The following USP46 variants were observed in gnomAD, a reference collection of about 807,000 sequenced individuals.
USP46 encodes ubiquitin specific peptidase 46.
Under a neutral mutation model 44.4 loss-of-function variants are expected in USP46, and 12 were observed. The observed-to-expected ratio is 0.27, with a 90% CI of 0.17 to 0.44. USP46 has a LOEUF of 0.44. Among genes scored for constraint, USP46 ranks in the 20% least tolerant of loss-of-function variants. The probability of loss-of-function intolerance (pLI) is 1.00; values close to 1 mark genes in which losing one functional copy is unlikely to be tolerated. For synonymous variants in USP46, 155 were observed against 161.5 expected (o/e 0.96, Z 0.31); for missense variants, 248 against 444.8 (o/e 0.56, Z 3.98).
chr4:52,635,884 A>C (rs1718094608), intron 1 of USP46, among the ~76,000 whole-genome samples: 1 of 152,120 alleles, frequency 6.6e-6, no homozygotes, highest in African/African-American at 2.4e-5. Flanking sequence ...GGTGGGGAGA[A>C]GTGGGGGTGG....
chr4:52,615,341 G>T (rs192314215), intron 4 of USP46, among the ~76,000 whole-genome samples: 38 of 152,180 alleles, frequency 2.5e-4, no homozygotes, highest in African/African-American at 8.7e-4. Flanking sequence ...TTGGAAAAAC[G>T]ACATACTATG....
At chr4:52,603,365 T>G (rs551900087) in intron 6 of USP46, among the ~76,000 whole-genome samples, 1 of 152,182 alleles carries the variant, frequency 6.6e-6, no homozygotes, top group African/African-American at 2.4e-5. Flanking sequence ...TCTGTAAGTT[T>G]TGCAGCAAAG....
chr4:52,638,178 T>G (rs1282451391), intron 1 of USP46, among the ~76,000 whole-genome samples: 1 of 152,136 alleles, frequency 6.6e-6, no homozygotes, highest in Non-Finnish European at 1.5e-5. Context: ...AGACACAGTA[T>G]AATTACAAGT....
At chr4:52,613,133 CT>C (rs1471600460) in intron 4 of USP46, among the ~76,000 whole-genome samples, 2 of 152,184 alleles carry the variant, frequency 1.3e-5, no homozygotes, top group Non-Finnish European at 2.9e-5. Flanking sequence ...GTTTCATGGC[CT>C]TTAGCTTGGG....
intron 6 of USP46, among the ~76,000 whole-genome samples, chr4:52,603,182 T>C (rs1716545013): frequency 1.3e-5 from 2 of 152,178 alleles, no homozygotes; most frequent in African/African-American, 4.8e-5. Context: ...CATTGCAATA[T>C]ATAAACCCCC....
intron 1 of USP46, among the ~76,000 whole-genome samples, chr4:52,649,432 C>T (rs1193124825): frequency 2.0e-5 from 3 of 152,194 alleles, no homozygotes; most frequent in Admixed American, 2.0e-4. Context: ...AAACAGGATT[C>T]TGAATTCCAA....
chr4:52,632,965 AAAGAAAGAAAGAAAGAAAGAAAAGAAAAG>A (rs1560405953), intron 1 of USP46, among the ~76,000 whole-genome samples: 9 of 81,924 alleles, frequency 1.1e-4, no homozygotes, highest in African/African-American at 5.3e-4. Context: ...AGAAAGAAAG[AAAGAAAGAAAGAAAGAAAGAAAAGAAAAG>A]AAAGAAAGAA....
chr4:52,636,526 T>G (rs1488033609), intron 1 of USP46, among the ~76,000 whole-genome samples: 1 of 151,652 alleles, frequency 6.6e-6, no homozygotes, highest in Admixed American at 6.6e-5. Flanking sequence ...GCCAATATGG[T>G]GAAACCCCAT....
At chr4:52,640,700 G>A (rs984049164) in intron 1 of USP46, among the ~76,000 whole-genome samples, 3 of 151,466 alleles carry the variant, frequency 2.0e-5, no homozygotes, top group Non-Finnish European at 4.4e-5. Flanking sequence ...CAGCTACTCA[G>A]GAGACTGAGG....
chr4:52,609,895 T>TTTC (rs1328338837), intron 5 of USP46, among the ~76,000 whole-genome samples: 8 of 89,570 alleles, frequency 8.9e-5, no homozygotes, highest in East Asian at 6.5e-4. Context: ...CTCAATTCTA[T>TTTC]TTCTTTTTTT....
At chr4:52,624,817 A>G (rs897898773) in intron 4 of USP46, among the ~76,000 whole-genome samples, 2 of 152,160 alleles carry the variant, frequency 1.3e-5, no homozygotes, top group Admixed American at 6.6e-5. Context: ...TGCTTTCTCT[A>G]TCTCCACCAA....
At chr4:52,645,246 A>C (rs2109660145) in intron 1 of USP46, among the ~76,000 whole-genome samples, 1 of 151,898 alleles carries the variant, frequency 6.6e-6, no homozygotes, top group South Asian at 2.1e-4. Flanking sequence ...AAAAAAAAGA[A>C]AACCTCAACA....
intron 4 of USP46, among the ~76,000 whole-genome samples, chr4:52,618,893 C>G (rs1717271189): frequency 6.6e-6 from 1 of 152,152 alleles, no homozygotes; most frequent in Admixed American, 6.5e-5. Flanking sequence ...AAAATTGGTA[C>G]TTAATAAAGC....
At chr4:52,633,205 A>T (rs1717983411) in intron 1 of USP46, among the ~76,000 whole-genome samples, 1 of 152,184 alleles carries the variant, frequency 6.6e-6, no homozygotes, top group African/African-American at 2.4e-5. Context: ...CGGACCACAG[A>T]ACTACAGTAG....
intron 1 of USP46, among the ~76,000 whole-genome samples, chr4:52,648,311 G>A (rs1435343776): frequency 6.6e-6 from 1 of 152,188 alleles, no homozygotes; most frequent in Admixed American, 6.5e-5. Flanking sequence ...CAAACTATGG[G>A]CCATGAATCC....
intron 1 of USP46, among the ~76,000 whole-genome samples, chr4:52,657,040 C>CAAAA (rs959028429): frequency 6.8e-5 from 2 of 29,222 alleles, no homozygotes; most frequent in East Asian, 1.1e-3. Context: ...GAGACCTTGT[C>CAAAA]AAAAAAAAAA....
At chr4:52,620,485 GT>G (rs1717336017) in intron 4 of USP46, among the ~76,000 whole-genome samples, 1 of 152,182 alleles carries the variant, frequency 6.6e-6, no homozygotes, top group East Asian at 1.9e-4. Context: ...CATGCTGGAA[GT>G]TCTAGAAAGG....
At chr4:52,602,468 G>C (rs1716514842) in intron 6 of USP46, among the ~76,000 whole-genome samples, 1 of 152,202 alleles carries the variant, frequency 6.6e-6, no homozygotes, top group East Asian at 1.9e-4. Context: ...GATGCCGACT[G>C]CTGGACTTAC....
chr4:52,640,924 ATT>A (rs561028798), intron 1 of USP46, among the ~76,000 whole-genome samples: 4 of 144,914 alleles, frequency 2.8e-5, no homozygotes, highest in African/African-American at 2.5e-5. Flanking sequence ...GTATTTGGCC[ATT>A]TTTTTTTTTT....
Sources: allele counts gnomAD v4.1 joint callset (sites outside exome capture counted in the v4.1 genomes callset), GRCh38; gene constraint gnomAD v4.1.1; transcripts MANE v1.5; gene names NCBI Gene and HGNC (gene_info 2026-07-23, HGNC 2026-07-21).